The following DCDC2 variants were observed in gnomAD, a reference collection of about 807,000 sequenced individuals.
DCDC2 encodes the protein doublecortin domain-containing protein 2.
A neutral mutation model predicts 50.2 loss-of-function variants in DCDC2; 40 were observed. The ratio of observed to expected loss-of-function variants is 0.80; its 90% CI spans 0.62 to 1.04. The LOEUF is 1.04. Among genes scored for constraint, DCDC2 ranks in the 50% least tolerant of loss-of-function variants. DCDC2 has a pLI of 0.00. For missense variants in DCDC2, 570 were observed against 581.9 expected (o/e 0.98, Z 0.21); for synonymous variants, 234 against 210.6 (o/e 1.11, Z -0.96).
chr6:24,358,779 TAA>T (rs1760538228), upstream of DCDC2, among the ~76,000 whole-genome samples: 1 of 89,188 alleles, frequency 1.1e-5, no homozygotes, highest in Non-Finnish European at 2.0e-5. Context: ...TTTTTATATA[TAA>T]TATATAAAAT....
chr6:24,179,393 A>C (rs902023501), intron 8 of DCDC2, among the ~76,000 whole-genome samples: 2 of 148,732 alleles, frequency 1.3e-5, no homozygotes, highest in African/African-American at 4.9e-5. Flanking sequence ...TAAAAATACA[A>C]AAAAATTAGC....
At chr6:24,294,557 A>G (rs1437000322) in intron 4 of DCDC2, among the ~76,000 whole-genome samples, 1 of 152,012 alleles carries the variant, frequency 6.6e-6, no homozygotes, top group African/African-American at 2.4e-5. Flanking sequence ...AAAATTAATA[A>G]GATACATAGG....
chr6:24,185,718 C>T (rs999613004), intron 8 of DCDC2, among the ~76,000 whole-genome samples: 7 of 126,998 alleles, frequency 5.5e-5, no homozygotes, highest in Non-Finnish European at 8.5e-5. Context: ...CACACACACA[C>T]ACACACACAT....
chr6:24,342,518 GAC>G (rs991027178), intron 2 of DCDC2, among the ~76,000 whole-genome samples: 2 of 152,176 alleles, frequency 1.3e-5, no homozygotes, highest in Non-Finnish European at 2.9e-5. Context: ...GGAAGGCTCT[GAC>G]CCCGAAAACC....
At chr6:24,219,559 T>C (rs1001983491) in intron 7 of DCDC2, among the ~76,000 whole-genome samples, 1 of 152,134 alleles carries the variant, frequency 6.6e-6, no homozygotes, top group East Asian at 1.9e-4. Context: ...GGGGTGCAAC[T>C]AGTGGGGTTA....
chr6:24,179,828 C>T (rs920706378), intron 8 of DCDC2, among the ~76,000 whole-genome samples: 2 of 151,298 alleles, frequency 1.3e-5, no homozygotes, highest in Non-Finnish European at 2.9e-5. Context: ...GTGGTGGGCA[C>T]CTGTGGTCCC....
At chr6:24,193,293 T>G (rs1199199920) in intron 8 of DCDC2, among the ~76,000 whole-genome samples, 1 of 151,890 alleles carries the variant, frequency 6.6e-6, no homozygotes, top group Admixed American at 6.6e-5. Flanking sequence ...GAGGAAGACA[T>G]AGAATCCAAA....
chr6:24,360,435 G>C (rs1219372308), upstream of DCDC2, among the ~76,000 whole-genome samples: 3 of 152,180 alleles, frequency 2.0e-5, no homozygotes, highest in East Asian at 5.8e-4. Flanking sequence ...TTTACGCCAG[G>C]GAAAGGATTT....
At chr6:24,274,153 G>C (rs1015753644) in intron 7 of DCDC2, among the ~76,000 whole-genome samples, 10 of 152,152 alleles carry the variant, frequency 6.6e-5, no homozygotes, top group African/African-American at 2.2e-4. Flanking sequence ...AAGAGACCAG[G>C]CCATTTTCTC....
At position 24,172,349 on chromosome 6, in the gene DCDC2, C is replaced by T. The variant is rs760469207; in HGVS notation, c.*2381G>A. On this transcript the variant is annotated 3_prime_UTR_variant, in exon 10 of 10. Coordinates refer to ENST00000378454, the MANE Select transcript of DCDC2 (RefSeq NM_016356.5). Reference sequence around the variant, plus strand: ...TGCACACACAAGGGATGAATATGTCCCCATTTTTAAGTTTTTTTGGTACAG... The same window carrying T: ...TGCACACACAAGGGATGAATATGTCTCCATTTTTAAGTTTTTTTGGTACAG... 8 of 152,012 alleles carry T rather than the reference C, an allele frequency of 5.3e-5. No homozygotes were observed. The highest frequency in any genetic ancestry group is 2.0e-4 in the Admixed American group (3 of 15,264). 9.4% of individuals were successfully genotyped at this position (152,012 alleles called of 1,614,324 possible).
chr6:24,358,688 T>A (rs1358025164), upstream of DCDC2, among the ~76,000 whole-genome samples: 1 of 59,626 alleles, frequency 1.7e-5, no homozygotes, highest in South Asian at 6.8e-4. Context: ...TCTTAGAAAA[T>A]AAAATATATA....
chr6:24,369,129 G>C, the DCDC2 span, among the ~76,000 whole-genome samples: 1 of 64,580 alleles, frequency 1.5e-5, no homozygotes, highest in Non-Finnish European at 3.0e-5. Context: ...GTAAGACTCT[G>C]TCTCAAAAAA....
intron 7 of DCDC2, among the ~76,000 whole-genome samples, chr6:24,240,611 G>C (rs1477835149): frequency 6.6e-6 from 1 of 152,116 alleles, no homozygotes; most frequent in African/African-American, 2.4e-5. Context: ...TTACAGACTA[G>C]GGGACTAGTC....
rs1324346456 is a variant in DCDC2, at chr6:24,293,326, G to T, written c.558-2248C>A. Among the ~76,000 whole-genome samples, 4 of 152,122 alleles carry T rather than the reference G, an allele frequency of 2.6e-5. No homozygotes were observed. In the South Asian group the frequency reaches 8.3e-4, roughly 32 times the overall value. ...GCTACAAACACAAGAAACATAAAAA[G>T]CAAGTTCAGTAAATTTTTATGGGAT... On this transcript the variant is annotated intron_variant, in intron 4 of 9. Transcript: ENST00000378454.
rs548307437 is a variant in DCDC2 at position 24,325,876 on chromosome 6, G to T, written c.349-23832C>A. Among the ~76,000 whole-genome samples the T allele has an allele frequency of 1.9e-4, 29 of 148,876 alleles. 1 individual carries two copies. Among genetic ancestry groups the T allele is most frequent in the African/African-American group, 7.0e-4 (29 of 41,312 alleles). On this transcript the variant is annotated intron_variant, in intron 2 of 9. Coordinates refer to ENST00000378454, the MANE Select transcript of DCDC2 (RefSeq NM_016356.5). Reference sequence around the variant, plus strand: ...CTCTGGTTTTTAAATAAAATTAAAAGGTTGGGAAACTGTTTTTCAGTGTCA... The same window carrying T: ...CTCTGGTTTTTAAATAAAATTAAAATGTTGGGAAACTGTTTTTCAGTGTCA...
chr6:24,330,676 G>GGGGACAGAGAGAAGT (rs2127239145), intron 2 of DCDC2, among the ~76,000 whole-genome samples: 1 of 152,234 alleles, frequency 6.6e-6, no homozygotes, highest in East Asian at 1.9e-4. Flanking sequence ...ACAGCTCAAG[G>GGGGACAGAGAGAAGT]GGGACAGAGA....
intron 3 of DCDC2, 42 bp downstream of exon 3, chr6:24,301,926 C>G (rs555419401): frequency 6.2e-7 from 1 of 1,611,720 alleles, no homozygotes; most frequent in African/African-American, 1.3e-5. Context: ...AAGGAAACCA[C>G]CAAGCCAATT....
intron 2 of DCDC2, among the ~76,000 whole-genome samples, chr6:24,330,264 T>G (rs866550443): frequency 3.3e-5 from 5 of 152,292 alleles, no homozygotes; most frequent in African/African-American, 1.2e-4. Context: ...GTTGTGGCAA[T>G]TACGTTTCCA....
intron 2 of DCDC2, among the ~76,000 whole-genome samples, chr6:24,330,279 A>G (rs2127238915): frequency 6.6e-6 from 1 of 152,278 alleles, no homozygotes; most frequent in Non-Finnish European, 1.5e-5. Flanking sequence ...TTTCCAGGTT[A>G]CCAACTACCA....
Sources: gnomAD v4.1 joint callset for allele counts (sites outside exome capture counted in the v4.1 genomes callset) on GRCh38, gnomAD v4.1.1 for gene constraint, MANE v1.5 for transcripts, NCBI Gene and HGNC (gene_info 2026-07-23, HGNC 2026-07-21) for gene names.